The following ZP2 variants were observed in gnomAD, a reference collection of about 807,000 sequenced individuals.
ZP2 encodes the protein zona pellucida glycoprotein 2.
Under a neutral mutation model 84.0 loss-of-function variants are expected in ZP2, and 51 were observed. The observed-to-expected ratio is 0.61, with a 90% confidence interval of 0.49 to 0.77. The LOEUF is 0.77. Ranked by LOEUF, ZP2 falls within the 30% of genes least tolerant of loss-of-function variation. The probability of loss-of-function intolerance (pLI) is 0.00; values close to 1 mark genes in which losing one functional copy is unlikely to be tolerated. For synonymous variants in ZP2, 375 were observed against 330.9 expected, an observed-to-expected ratio of 1.13 and a Z score of -1.45; for missense variants, 909 against 911.9, an observed-to-expected ratio of 1.00 and a Z score of 0.04.
chr16:21,205,540 A>C lies in ZP2; in HGVS notation c.573T>G (p.Gly191=), dbSNP rs1390048196. 6.2e-7 allele frequency: 1 copy of C among 1,614,102 alleles called. No individual in the cohort carries two copies. The highest frequency in any genetic ancestry group is 1.7e-5 in the Admixed American group (1 of 60,012). The change falls in exon 7 of 19, where the codon GGT becomes GGG. Residue 191 remains glycine, a synonymous_variant. Transcript: ENST00000574091. The part of the protein sequence containing the change: ...QMGWSIEVGD[G]ARAKTLTLPE... ...GCAGGGTCAGAGTTTTGGCTCTTGC[A>C]CCATCACCAACCTCAATGCTCCATC...
chr16:21,207,654 AC>A (rs2093256234), intron 4 of ZP2, among the ~76,000 whole-genome samples: 1 of 145,654 alleles, frequency 6.9e-6, no homozygotes, highest in Non-Finnish European at 1.5e-5. Flanking sequence ...ACACACACAC[AC>A]ACACACACAC....
At position 21,199,746 on chromosome 16, in the gene ZP2, G is replaced by A. The variant is rs1259324559; in HGVS notation, c.1827C>T (p.Ser609=). 1.9e-6 allele frequency: 3 copies of A among 1,614,048 alleles called. No homozygotes were observed. The highest frequency in any genetic ancestry group is 2.5e-6 in the Non-Finnish European group (3 of 1,179,962). The change falls in exon 15 of 19, where the codon AGC becomes AGT. Residue 609 remains serine, a synonymous_variant. Transcript: ENST00000574091. ...AFVSEAHVLS[S]LVYFHCSALI... ...TGGTGACTTCTGAATCACTTACCAG[G>A]CTAGAGAGCACGTGGGCTTCTGATA...
intron 4 of ZP2, among the ~76,000 whole-genome samples, chr16:21,207,635 AACACACACAC>A (rs10530241): frequency 0.097 from 13,936 of 143,700 alleles, 793 homozygotes; most frequent in East Asian, 0.16. Flanking sequence ...ATATATATTA[AACACACACAC>A]ACACACACAC....
Position 21,197,507 on chromosome 16 carries a change from G to C in ZP2, c.2211C>G (p.Tyr737Ter). 1.2e-6 allele frequency: 2 copies of C among 1,614,082 alleles called. No homozygotes were observed. Among genetic ancestry groups the C allele is most frequent in the Non-Finnish European group, 1.7e-6 (2 of 1,180,018 alleles). ...AGTGATTTGACACAGTCCTTTTCTC[G>C]TACAGGTAGTAGATGAAGCCTAGAG... is the stretch of plus-strand genomic sequence containing the variant. ...VATLGFIYYL[Y>*]EKRTVSNH Residue 737 changes from tyrosine (Y) to a stop codon, truncating the protein, a stop_gained, in exon 19 of 19, where the codon TAC becomes TAG. Transcript: ENST00000574091. LOFTEE classifies it high-confidence loss of function.
chr16:21,204,191 TG>T lies in ZP2; in HGVS notation c.810del (p.Thr271HisfsTer3). 6.2e-7 allele frequency: 1 copy of T among 1,614,158 alleles called. No homozygotes were observed. Among genetic ancestry groups the T allele is most frequent in the Non-Finnish European group, 8.5e-7 (1 of 1,180,024 alleles). On this transcript the variant is annotated frameshift_variant, in exon 9 of 19. Coordinates refer to ENST00000574091, the MANE Select transcript of ZP2 (RefSeq NM_001376232.1). LOFTEE classifies it high-confidence loss of function. ...TCTGGTATGGTGAGAGTCATGTGTG[TG>T]GCATTGCAGGTCACAGGATCTAGAA... ...ICAPDPVTCN[A>X]THMTLTIPEF...
upstream of ZP2, chr16:21,211,670 C>G (rs1416590030): frequency 6.3e-7 from 1 of 1,578,990 alleles, no homozygotes; most frequent in African/African-American, 1.3e-5. Flanking sequence ...CCCATTCTCC[C>G]AGCTGAAACG....
intron 17 of ZP2, 120 bp downstream of exon 17, chr16:21,198,659 T>G: frequency 2.6e-6 from 2 of 764,368 alleles, no homozygotes; most frequent in Non-Finnish European, 4.2e-6. Flanking sequence ...AGAGACTTAG[T>G]CTTTTATTCT....
intron 4 of ZP2, among the ~76,000 whole-genome samples, chr16:21,207,925 A>C (rs1042597206): frequency 3.3e-5 from 5 of 151,976 alleles, no homozygotes; most frequent in African/African-American, 4.8e-5. Context: ...CAAAAACACA[A>C]AAAAAACCCA....
In ZP2 at chr16:21,211,516, C is replaced by A; in HGVS notation, c.32G>T (p.Ser11Ile). 1 of 1,614,228 alleles carries A rather than the reference C, an allele frequency of 6.2e-7. No homozygotes were observed. Among genetic ancestry groups the A allele is most frequent in the South Asian group, 1.1e-5 (1 of 91,084 alleles). The change falls in exon 1 of 19, where the codon AGT (serine) becomes ATT (isoleucine). Residue 11 changes from serine to isoleucine, a missense_variant. By Grantham distance (142) the Ser-to-Ile change is moderately radical. Transcript: ENST00000574091. ...GCCTGCATTGAACCAGCCTGAGGGA[C>A]TCCAAGAGCCTCCTCTCTGCCTGCA... MACRQRGGSWSPSGWFNAGWS... is the reference protein window; with the variant it reads MACRQRGGSWIPSGWFNAGWS...
chr16:21,207,140 G>A lies in ZP2; in HGVS notation c.331-150C>T, dbSNP rs2093253703. On this transcript the variant is annotated intron_variant, in intron 4 of 18. Transcript: ENST00000574091. ...ACCTCATTCCCGTACCAGGAGACTA[G>A]CTAGCCCATTGTAATCTGTTAGTGA... 3 of 876,122 alleles carry A rather than the reference G, an allele frequency of 3.4e-6. No individual in the cohort carries two copies. The Admixed American group carries it at 7.6e-5, about 22-fold the overall frequency. 54.3% of individuals were successfully genotyped at this position (876,122 alleles called of 1,614,324 possible).
At chr16:21,207,444 G>A (rs941080182) in intron 4 of ZP2, among the ~76,000 whole-genome samples, 1 of 152,112 alleles carries the variant, frequency 6.6e-6, no homozygotes, top group Non-Finnish European at 1.5e-5. Flanking sequence ...TTAGACTCAT[G>A]TGAGCCACAT....
At chr16:21,200,997 G>C (rs191261643) in intron 14 of ZP2, among the ~76,000 whole-genome samples, 1 of 152,002 alleles carries the variant, frequency 6.6e-6, no homozygotes, top group Non-Finnish European at 1.5e-5. Context: ...TCAGGAGTTC[G>C]AGACCAGCCT....
At position 21,211,558 on chromosome 16, in the gene ZP2, A is replaced by G. The variant is rs201232657; in HGVS notation, c.-11T>C. The G allele has an allele frequency of 1.5e-4, 243 of 1,614,094 alleles. No individual in the cohort carries two copies. The highest frequency in any genetic ancestry group is 2.0e-4 in the Non-Finnish European group (233 of 1,180,020). On this transcript the variant is annotated 5_prime_UTR_variant, in exon 1 of 19. Coordinates refer to ENST00000574091, the MANE Select transcript of ZP2 (RefSeq NM_001376232.1). ...CTGCCTGCACGCCATAGCAGAAGACACTACCAGATCAACCAGGTAGAGGGT... is the reference window on the plus strand; with the variant it reads ...CTGCCTGCACGCCATAGCAGAAGACGCTACCAGATCAACCAGGTAGAGGGT...
Position 21,202,307 on chromosome 16 carries a change from A to T in ZP2, c.1100-16T>A. On this transcript the variant is annotated splice_polypyrimidine_tract_variant and intron_variant, in intron 10 of 18. Transcript: ENST00000574091. ...TCCCCTGTAACTAGACAGCGGTGAA[A>T]GTTTAGAGAAAATAAGTTTGTCTGC... The T allele has an allele frequency of 6.7e-7, 1 of 1,489,674 alleles. No individual in the cohort carries two copies. Among genetic ancestry groups the T allele is most frequent in the African/African-American group, 1.4e-5 (1 of 70,966 alleles). The allele number at this position is 1,489,674 out of a possible 1,614,324, so 92.3% of individuals were successfully genotyped here.
intron 14 of ZP2, among the ~76,000 whole-genome samples, chr16:21,200,774 G>A (rs1330155635): frequency 1.3e-5 from 2 of 152,216 alleles, no homozygotes; most frequent in East Asian, 3.8e-4. Flanking sequence ...ACATAGCACT[G>A]TGCCTGGCAT....
At chr16:21,211,827 G>A, upstream of ZP2, 1 of 1,353,396 alleles carries the variant, frequency 7.4e-7, no homozygotes, top group Non-Finnish European at 9.6e-7. Flanking sequence ...AACTATGGGG[G>A]AAATTAGGAT....
chr16:21,198,918 G>A (rs2093212038), intron 16 of ZP2, 56 bp from the exon 17 acceptor site: 2 of 1,457,198 alleles, frequency 1.4e-6, no homozygotes, highest in Non-Finnish European at 9.6e-7. Context: ...TTCGAGAGGT[G>A]TGTCAATGGA....
In ZP2 at chr16:21,204,127, T is replaced by C. The variant is rs975098329; in HGVS notation, c.875A>G (p.Gln292Arg). 3 of 1,614,208 alleles carry C rather than the reference T, an allele frequency of 1.9e-6. No individual in the cohort carries two copies. Among genetic ancestry groups the C allele is most frequent in the Non-Finnish European group, 1.7e-6 (2 of 1,180,028 alleles). ...GKLKSVSFEN[Q>R]NIDVSQLHDN... is the part of the protein sequence containing the mutation. ...ATGCAGCTGGCTCACATCAATGTTCTGGTTTTCAAAGCTCACAGACTTAAG... is the reference window on the plus strand; with the variant it reads ...ATGCAGCTGGCTCACATCAATGTTCCGGTTTTCAAAGCTCACAGACTTAAG... The change falls in exon 9 of 19, where the codon CAG becomes CGG. Residue 292 changes from glutamine to arginine, a missense_variant. By Grantham distance (43) the Gln-to-Arg change is conservative. Transcript: ENST00000574091.
intron 4 of ZP2, among the ~76,000 whole-genome samples, chr16:21,208,976 G>T (rs2093262224): frequency 6.6e-6 from 1 of 152,210 alleles, no homozygotes; most frequent in Non-Finnish European, 1.5e-5. Context: ...GTACTTGAAT[G>T]CCAGGGTTTC....
Sources: allele counts gnomAD v4.1 joint callset (sites outside exome capture counted in the v4.1 genomes callset), GRCh38; gene constraint gnomAD v4.1.1; transcripts MANE v1.5; gene names NCBI Gene and HGNC (gene_info 2026-07-23, HGNC 2026-07-21).